The following CUL2 variants were observed in gnomAD, a reference collection of about 807,000 sequenced individuals.
The protein encoded by CUL2 is cullin-2.
CUL2 carries 22 observed loss-of-function variants against 110.2 expected under a neutral mutation model. That is an observed-to-expected ratio of 0.20 (90% confidence interval 0.14 to 0.28). CUL2 has a LOEUF of 0.28. Ranked by LOEUF, CUL2 falls within the 10% of genes least tolerant of loss-of-function variation. CUL2 has a pLI of 1.00. For synonymous variants in CUL2, 279 were observed against 293.2 expected, an observed-to-expected ratio of 0.95 and a Z score of 0.49; for missense variants, 631 against 905.5, an observed-to-expected ratio of 0.70 and a Z score of 3.89.
intron 1 of CUL2, chr10:35,118,356 T>C (rs2087633924): frequency 6.6e-6 from 1 of 152,252 alleles, no homozygotes; most frequent in Non-Finnish European, 1.5e-5. Context: ...TTTATGCTTC[T>C]ACCTTCCACA....
At chr10:35,119,762 A>G (rs2087655884) in intron 1 of CUL2, among the ~76,000 whole-genome samples, 1 of 151,576 alleles carries the variant, frequency 6.6e-6, no homozygotes, top group African/African-American at 2.4e-5. Context: ...TAAAGATGGG[A>G]TTTCACTATG....
chr10:35,102,904 T>C (rs2087402755), intron 1 of CUL2, among the ~76,000 whole-genome samples: 1 of 151,756 alleles, frequency 6.6e-6, no homozygotes, highest in African/African-American at 2.4e-5. Flanking sequence ...AAAAAAATTT[T>C]AAGAAGAAAC....
chr10:35,012,511 G>A (rs1013349482), intron 19 of CUL2, among the ~76,000 whole-genome samples: 1 of 151,986 alleles, frequency 6.6e-6, no homozygotes, highest in Non-Finnish European at 1.5e-5. Context: ...CATTTTATGT[G>A]GCTCAAGCAG....
chr10:35,072,253 G>A (rs1589034797), intron 1 of CUL2, among the ~76,000 whole-genome samples: 1 of 152,004 alleles, frequency 6.6e-6, no homozygotes, highest in African/African-American at 2.4e-5. Flanking sequence ...CCACAGAAAT[G>A]TCAGGTTTGC....
At chr10:35,088,499 CAAAAAAAAAAAA>C (rs9299718) in intron 1 of CUL2, among the ~76,000 whole-genome samples, 2 of 88,574 alleles carry the variant, frequency 2.3e-5, no homozygotes, top group Admixed American at 1.5e-4. Flanking sequence ...GACTCCGCCT[CAAAAAAAAAAAA>C]AAAAAAAAAA....
At position 35,075,511 on chromosome 10, in the gene CUL2, C is replaced by T. The variant is rs142170496; in HGVS notation, c.-22-4172G>A. On this transcript the variant is annotated intron_variant, in intron 1 of 20. Coordinates refer to ENST00000374749, the MANE Select transcript of CUL2 (RefSeq NM_003591.4). ...CTCAGATTGTGTCCCATCAAGTTAACTGCAAAAATCCAAATCTCCTGAAAT... is the reference window on the plus strand; with the variant it reads ...CTCAGATTGTGTCCCATCAAGTTAATTGCAAAAATCCAAATCTCCTGAAAT... 5.0e-3 allele frequency among the ~76,000 whole-genome samples: 765 copies of T among 152,154 alleles called. 49 individuals carry two copies. The South Asian group carries it at 0.13, about 27-fold the overall frequency.
intron 1 of CUL2, among the ~76,000 whole-genome samples, chr10:35,103,145 A>T (rs536320214): frequency 8.8e-4 from 133 of 150,788 alleles, no homozygotes; most frequent in Admixed American, 1.5e-3. Flanking sequence ...ACTCAAAAAA[A>T]TTTTTTTTTG....
intron 20 of CUL2, among the ~76,000 whole-genome samples, chr10:35,010,828 CA>C (rs2084881302): frequency 6.6e-6 from 1 of 152,080 alleles, no homozygotes; most frequent in African/African-American, 2.4e-5. Flanking sequence ...CATTTATTTG[CA>C]TATCATTTCA....
chr10:35,104,352 G>A (rs1159120566), intron 1 of CUL2, among the ~76,000 whole-genome samples: 2 of 152,138 alleles, frequency 1.3e-5, no homozygotes, highest in African/African-American at 4.8e-5. Context: ...AGGCTGAGGT[G>A]GGAGGATGGC....
intron 1 of CUL2, among the ~76,000 whole-genome samples, chr10:35,085,395 G>A (rs992388826): frequency 5.3e-5 from 8 of 149,988 alleles, no homozygotes; most frequent in South Asian, 2.1e-4. Context: ...GCGCCACTGC[G>A]CTCCAGCCTG....
chr10:35,110,361 C>T (rs1474751473), intron 1 of CUL2, among the ~76,000 whole-genome samples: 1 of 151,908 alleles, frequency 6.6e-6, no homozygotes, highest in African/African-American at 2.4e-5. Context: ...GTCAGGAATT[C>T]GAGACCAGCC....
chr10:35,125,210 T>C (rs184621336), intron 1 of CUL2, among the ~76,000 whole-genome samples: 2 of 152,322 alleles, frequency 1.3e-5, no homozygotes, highest in African/African-American at 4.8e-5. Context: ...AGCAAGGGTA[T>C]AGCAGAGGCC....
chr10:35,106,293 ATG>A (rs2087454065), intron 1 of CUL2, among the ~76,000 whole-genome samples: 1 of 150,682 alleles, frequency 6.6e-6, no homozygotes, highest in South Asian at 2.1e-4. Context: ...TAAAAAATAA[ATG>A]TGTTTTTTGT....
At chr10:35,090,087 C>T (rs970287373) in intron 1 of CUL2, 92 bp downstream of exon 1, 2 of 152,424 alleles carry the variant, frequency 1.3e-5, no homozygotes, top group African/African-American at 4.8e-5. Context: ...GCCCCCAACT[C>T]CTCTCCTCCG....
Position 35,016,390 on chromosome 10 carries a change from T to C in CUL2, c.1689A>G (p.Glu563=). 6.3e-7 allele frequency: 1 copy of C among 1,598,522 alleles called. No individual in the cohort carries two copies. The highest frequency in any genetic ancestry group is 8.5e-7 in the Non-Finnish European group (1 of 1,169,774). Residue 563 remains glutamate, a synonymous_variant, in exon 18 of 21, where the codon GAA becomes GAG. Transcript: ENST00000374749. ...LTWLHYLCTG[E]VKMNYLGKPY... ...GTTTGCCCAAATAGTTCATTTTAAC[T>C]TCACCTACAATTAAAACAAAAACTG...
At chr10:35,073,980 G>T in intron 1 of CUL2, 1 of 700,196 alleles carries the variant, frequency 1.4e-6, no homozygotes, top group South Asian at 1.5e-5. Context: ...ACAAAGCTAT[G>T]TAATGGTGGC....
chr10:35,092,280 G>A (rs1028626669), upstream of CUL2, among the ~76,000 whole-genome samples: 6 of 152,150 alleles, frequency 3.9e-5, no homozygotes. Flanking sequence ...GACTGAGTTT[G>A]TTTTTGTACT....
At chr10:35,045,255 T>C (rs2085904125) in intron 6 of CUL2, among the ~76,000 whole-genome samples, 1 of 152,154 alleles carries the variant, frequency 6.6e-6, no homozygotes, top group African/African-American at 2.4e-5. Context: ...TTAATCATAT[T>C]AAGACATGTA....
chr10:35,073,039 C>T (rs1423197163), intron 1 of CUL2, among the ~76,000 whole-genome samples: 3 of 152,032 alleles, frequency 2.0e-5, no homozygotes, highest in Non-Finnish European at 4.4e-5. Context: ...CTGGGAGAGG[C>T]CCTTCTGTGT....
Sources: gnomAD v4.1 joint callset for allele counts (sites outside exome capture counted in the v4.1 genomes callset) on GRCh38, gnomAD v4.1.1 for gene constraint, MANE v1.5 for transcripts, NCBI Gene and HGNC (gene_info 2026-07-23, HGNC 2026-07-21) for gene names.